Variants in SMOC1 observed in about 807,000 individuals in gnomAD.
SMOC1 encodes SPARC-related modular calcium-binding protein 1.
SMOC1 carries 22 observed loss-of-function variants against 56.3 expected under a neutral mutation model. That is an observed-to-expected ratio of 0.39 (90% CI 0.28 to 0.56). SMOC1 has a LOEUF of 0.56. SMOC1 is among the 20% of genes least tolerant of loss of function. SMOC1 has a pLI of 0.61. For missense variants in SMOC1, 509 were observed against 565.4 expected (o/e 0.90, Z 1.01); for synonymous variants, 193 against 215.0 (o/e 0.90, Z 0.89).
At chr14:69,974,127 G>A (rs574472783) in intron 3 of SMOC1, among the ~76,000 whole-genome samples, 2 of 152,306 alleles carry the variant, frequency 1.3e-5, no homozygotes, top group Admixed American at 6.5e-5. Context: ...CAGGCATTAT[G>A]TTAGATTCTG....
At chr14:69,924,299 C>T (rs550583046) in intron 1 of SMOC1, among the ~76,000 whole-genome samples, 1 of 152,330 alleles carries the variant, frequency 6.6e-6, no homozygotes, top group Non-Finnish European at 1.5e-5. Context: ...GTCTGCACTG[C>T]TGTCTCTCCA....
chr14:69,974,898 A>G (rs979708695), intron 3 of SMOC1, among the ~76,000 whole-genome samples: 5 of 152,142 alleles, frequency 3.3e-5, no homozygotes, highest in Admixed American at 1.3e-4. Flanking sequence ...CAAGACAGTC[A>G]CAAGATCAAT....
chr14:69,983,462 G>T (rs80270025), intron 5 of SMOC1, among the ~76,000 whole-genome samples: 7,193 of 152,284 alleles, frequency 0.047, 319 homozygotes, highest in African/African-American at 0.12. Flanking sequence ...TATGATGGAG[G>T]TTATTCATCT....
chr14:69,891,591 C>T (rs1883963844), intron 1 of SMOC1, among the ~76,000 whole-genome samples: 1 of 152,112 alleles, frequency 6.6e-6, no homozygotes, highest in Non-Finnish European at 1.5e-5. Flanking sequence ...GCGTCTCCCT[C>T]CTACCCTCCT....
Position 69,964,624 on chromosome 14 carries a change from G to A in SMOC1, c.379-11091G>A, listed in dbSNP as rs375688193. ...GATTTGCTGACCTCGAGATCTGCCC[G>A]CCTTGGCCTCCCAAAGTGGTGGAAT... On this transcript the variant is annotated intron_variant, in intron 3 of 11. Coordinates refer to ENST00000361956, the MANE Select transcript of SMOC1 (RefSeq NM_001034852.3). Among the ~76,000 whole-genome samples the A allele has an allele frequency of 9.9e-5, 15 of 152,136 alleles. No individual in the cohort carries two copies. In the South Asian group the frequency reaches 1.7e-3, roughly 17 times the overall value.
intron 8 of SMOC1, among the ~76,000 whole-genome samples, 195 bp downstream of exon 8, chr14:70,011,141 T>C (rs1428193150): frequency 6.6e-6 from 1 of 152,170 alleles, no homozygotes; most frequent in Non-Finnish European, 1.5e-5. Flanking sequence ...CTTTCTAACT[T>C]AAGACCTTGG....
At chr14:69,937,749 T>C (rs924490550) in intron 1 of SMOC1, among the ~76,000 whole-genome samples, 1 of 152,126 alleles carries the variant, frequency 6.6e-6, no homozygotes, top group Non-Finnish European at 1.5e-5. Flanking sequence ...TGTGTGTGTG[T>C]TTGAGGGTAT....
chr14:70,023,289 A>G lies in SMOC1; in HGVS notation c.1133A>G (p.Asp378Gly). The change falls in exon 11 of 12, where the codon GAC becomes GGC. Residue 378 changes from aspartate (D) to glycine (G), a missense_variant. By Grantham distance (94) the Asp-to-Gly change is moderately conservative (BLOSUM62 -1). Around this residue, in one of 3 missense-constraint regions of SMOC1, gnomAD observed 176 missense variants for 188.1 expected, o/e 0.94. Coordinates refer to ENST00000361956, the MANE Select transcript of SMOC1 (RefSeq NM_001034852.3). Reference sequence around the variant, plus strand: ...CAGCTGGACAGCAATAGCAGCAACGACATTAACAAGCGGGAGATGAAGCCC... The same window carrying G: ...CAGCTGGACAGCAATAGCAGCAACGGCATTAACAAGCGGGAGATGAAGCCC... ...FSQLDSNSSNDINKREMKPFK... is the reference protein window; with the variant it reads ...FSQLDSNSSNGINKREMKPFK... 2.5e-6 allele frequency: 4 copies of G among 1,614,184 alleles called. No individual in the cohort carries two copies. The highest frequency in any genetic ancestry group is 3.4e-6 in the Non-Finnish European group (4 of 1,180,032).
intron 1 of SMOC1, among the ~76,000 whole-genome samples, chr14:69,904,010 G>A (rs142980434): frequency 5.7e-4 from 87 of 152,246 alleles, no homozygotes; most frequent in African/African-American, 1.6e-3. Context: ...AGGTCGTCTC[G>A]GACCTCAGCC....
At chr14:69,906,868 C>T (rs1884422496) in intron 1 of SMOC1, among the ~76,000 whole-genome samples, 1 of 152,066 alleles carries the variant, frequency 6.6e-6, no homozygotes. Context: ...GCCACTTTTT[C>T]AATAAGCTTG....
intron 1 of SMOC1, among the ~76,000 whole-genome samples, chr14:69,933,295 C>A (rs1267276997): frequency 6.6e-6 from 1 of 152,126 alleles, no homozygotes; most frequent in Non-Finnish European, 1.5e-5. Flanking sequence ...CTTGTAATAA[C>A]ATCGTTCTCC....
intron 1 of SMOC1, among the ~76,000 whole-genome samples, chr14:69,921,742 G>A (rs1336681980): frequency 2.6e-5 from 4 of 152,170 alleles, no homozygotes; most frequent in East Asian, 3.8e-4. Flanking sequence ...TCACTGCATC[G>A]TTCAGCTGGA....
intron 1 of SMOC1, among the ~76,000 whole-genome samples, chr14:69,912,499 G>A (rs1229194778): frequency 6.6e-6 from 1 of 152,144 alleles, no homozygotes; most frequent in Non-Finnish European, 1.5e-5. Context: ...CAGTCCTCCC[G>A]TGTTCAGCCT....
chr14:69,900,841 T>C (rs561398444), intron 1 of SMOC1, among the ~76,000 whole-genome samples: 1 of 152,382 alleles, frequency 6.6e-6, no homozygotes, highest in Admixed American at 6.5e-5. Context: ...ATTAAACTCA[T>C]GGCCACATGC....
intron 3 of SMOC1, among the ~76,000 whole-genome samples, chr14:69,955,291 G>T (rs1260525583): frequency 6.6e-6 from 1 of 152,082 alleles, no homozygotes; most frequent in Non-Finnish European, 1.5e-5. Context: ...CAGTCTGGTG[G>T]TCTGGTTAGA....
chr14:69,897,568 TA>T (rs61418046), intron 1 of SMOC1, among the ~76,000 whole-genome samples: 5,126 of 145,362 alleles, frequency 0.035, 224 homozygotes, highest in South Asian at 0.13. Flanking sequence ...CAATTATACT[TA>T]AAAAAAAAAA....
chr14:70,000,531 G>A (rs1884930059), intron 7 of SMOC1, among the ~76,000 whole-genome samples: 1 of 152,246 alleles, frequency 6.6e-6, no homozygotes, highest in Non-Finnish European at 1.5e-5. Context: ...TTAATGCCAT[G>A]AGTCAATAGA....
intron 11 of SMOC1, among the ~76,000 whole-genome samples, chr14:70,029,665 G>A (rs1173510207): frequency 1.3e-5 from 2 of 152,244 alleles, no homozygotes; most frequent in East Asian, 3.8e-4. Flanking sequence ...TTCCTGGTTT[G>A]TTGCAGGTGG....
At chr14:69,934,981 C>G (rs1458647402) in intron 1 of SMOC1, among the ~76,000 whole-genome samples, 2 of 152,180 alleles carry the variant, frequency 1.3e-5, no homozygotes, top group Non-Finnish European at 2.9e-5. Context: ...CTGCCCCTGG[C>G]ACATAGAAGG....
Sources: allele counts gnomAD v4.1 joint callset (sites outside exome capture counted in the v4.1 genomes callset), GRCh38; gene constraint gnomAD v4.1.1; regional missense constraint gnomAD v4.1.1; transcripts MANE v1.5; gene names NCBI Gene and HGNC (gene_info 2026-07-23, HGNC 2026-07-21).